TRAPPC8: variants seen among roughly 807,000 people sequenced by gnomAD.
The protein encoded by TRAPPC8 is general sporulation gene 1 homolog.
Under a neutral mutation model 174.3 loss-of-function variants are expected in TRAPPC8, and 54 were observed. That is an observed-to-expected ratio of 0.31 (90% CI 0.25 to 0.39). The LOEUF (loss-of-function observed/expected upper bound fraction) is 0.39, where lower values mean the gene tolerates loss of function less well. TRAPPC8 is among the 10% of genes least tolerant of loss of function. TRAPPC8 has a pLI of 1.00. For synonymous variants in TRAPPC8, 630 were observed against 579.9 expected (o/e 1.09, Z -1.24); for missense variants, 1,531 against 1,699.1 (o/e 0.90, Z 1.74).
intron 21 of TRAPPC8, among the ~76,000 whole-genome samples, chr18:31,854,588 A>G (rs1450847033): frequency 6.6e-6 from 1 of 152,208 alleles, no homozygotes; most frequent in African/African-American, 2.4e-5. Context: ...AGAATTAAGT[A>G]ACATTTCAAA....
intron 4 of TRAPPC8, among the ~76,000 whole-genome samples, chr18:31,914,148 A>G (rs1479204064): frequency 2.2e-4 from 33 of 151,052 alleles, no homozygotes; most frequent in Non-Finnish European, 3.7e-4. Flanking sequence ...AAAAAAAAAA[A>G]AGGAGGAAAA....
At chr18:31,902,674 A>C (rs2036484709) in intron 9 of TRAPPC8, among the ~76,000 whole-genome samples, 1 of 152,178 alleles carries the variant, frequency 6.6e-6, no homozygotes, top group Non-Finnish European at 1.5e-5. Flanking sequence ...TTAGGTTGCC[A>C]CTGGAGATGG....
intron 8 of TRAPPC8, 130 bp downstream of exon 8, chr18:31,908,173 T>C (rs1312585808): frequency 4.0e-6 from 2 of 493,984 alleles, no homozygotes; most frequent in South Asian, 6.3e-5. Context: ...TCACTCTTCT[T>C]ATCCACCTGA....
chr18:31,852,716 AAAACC>A lies in TRAPPC8; in HGVS notation c.3434-58_3434-54del, dbSNP rs772922120. On this transcript the variant is annotated intron_variant, in intron 22 of 28. Transcript: ENST00000283351. ...ATGTTTCTCAGTTCATCACATGATAAAAACCAATTCATTATTTAGACTTCCTTGGT... is the reference window on the plus strand; with the variant it reads ...ATGTTTCTCAGTTCATCACATGATAAAATTCATTATTTAGACTTCCTTGGT... The A allele has an allele frequency of 3.6e-5, 51 of 1,412,940 alleles. No individual in the cohort carries two copies. The East Asian group carries it at 4.3e-4, about 12-fold the overall frequency. The allele number at this position is 1,412,940 out of a possible 1,614,324, so 87.5% of individuals were successfully genotyped here. A position where few individuals can be genotyped will look rare whatever the true frequency, so the allele number is the denominator to read the frequency against.
intron 1 of TRAPPC8, among the ~76,000 whole-genome samples, chr18:31,931,933 T>C (rs2037863993): frequency 6.6e-6 from 1 of 152,168 alleles, no homozygotes; most frequent in Admixed American, 6.5e-5. Flanking sequence ...AATGTTGCAC[T>C]TGGGCTTCCT....
chr18:31,866,095 T>A (rs1415371847), intron 18 of TRAPPC8, among the ~76,000 whole-genome samples: 1 of 152,102 alleles, frequency 6.6e-6, no homozygotes, highest in Non-Finnish European at 1.5e-5. Context: ...TCAGCTTTTG[T>A]AAATGCTAAA....
intron 12 of TRAPPC8, among the ~76,000 whole-genome samples, chr18:31,880,090 A>AAAAAAATATAT (rs1259899654): frequency 1.2e-5 from 1 of 85,346 alleles, no homozygotes; most frequent in African/African-American, 5.2e-5. Flanking sequence ...TGAAAAAAAA[A>AAAAAAATATAT]ATATATATAT....
At chr18:31,863,787 A>G (rs563030182) in intron 19 of TRAPPC8, among the ~76,000 whole-genome samples, 12 of 152,126 alleles carry the variant, frequency 7.9e-5, no homozygotes, top group Non-Finnish European at 1.3e-4. Flanking sequence ...CTCCTCAGGT[A>G]TAAGCCTGAT....
chr18:31,927,579 A>T (rs575307406), intron 2 of TRAPPC8, among the ~76,000 whole-genome samples: 3 of 151,630 alleles, frequency 2.0e-5, no homozygotes, highest in Admixed American at 6.6e-5. Context: ...TTTTTAAAAA[A>T]TTTTCTTCAG....
intron 19 of TRAPPC8, 152 bp downstream of exon 19, chr18:31,864,475 T>C (rs574547898): frequency 3.1e-4 from 204 of 662,750 alleles, no homozygotes; most frequent in Middle Eastern, 4.4e-4. Flanking sequence ...TTGCCTTACA[T>C]TGTGAATTAA....
chr18:31,864,294 T>G (rs1387091103), intron 19 of TRAPPC8, among the ~76,000 whole-genome samples: 1 of 151,856 alleles, frequency 6.6e-6, no homozygotes, highest in East Asian at 1.9e-4. Flanking sequence ...CTACATTGCT[T>G]AAGTTTTTTT....
intron 1 of TRAPPC8, among the ~76,000 whole-genome samples, chr18:31,937,826 C>A (rs933550733): frequency 6.6e-6 from 1 of 152,034 alleles, no homozygotes; most frequent in Admixed American, 6.6e-5. Flanking sequence ...GCCTCAGCCT[C>A]CCGAGCAGCT....
In TRAPPC8 at chr18:31,870,899, A is replaced by C. The variant is rs769917736; in HGVS notation, c.2257+27T>G. On this transcript the variant is annotated intron_variant, in intron 15 of 28. Coordinates refer to ENST00000283351, the MANE Select transcript of TRAPPC8 (RefSeq NM_014939.5). The stretch of plus-strand genomic sequence containing the variant: ...ATGCTGTAAGTAAAACAAATAAAAA[A>C]CAGAAATAAAAATTCAAGTATATCA... 7.5e-6 allele frequency: 11 copies of C among 1,473,062 alleles called. No individual in the cohort carries two copies. The Admixed American group carries it at 1.9e-4, about 25-fold the overall frequency. 91.2% of individuals were successfully genotyped at this position (1,473,062 alleles called of 1,614,324 possible).
intron 12 of TRAPPC8, among the ~76,000 whole-genome samples, chr18:31,881,684 G>C (rs1173945852): frequency 6.6e-6 from 1 of 151,992 alleles, no homozygotes; most frequent in East Asian, 1.9e-4. Context: ...CACAGCAAAA[G>C]AAACTATTAG....
chr18:31,835,874 T>C (rs555066881), intron 27 of TRAPPC8, among the ~76,000 whole-genome samples: 1 of 152,216 alleles, frequency 6.6e-6, no homozygotes, highest in Non-Finnish European at 1.5e-5. Context: ...TCCGGAGACA[T>C]GCCACCAGAA....
In TRAPPC8 at chr18:31,871,082, C is replaced by T; in HGVS notation, c.2101G>A (p.Glu701Lys). 3 of 1,597,098 alleles carry T rather than the reference C, an allele frequency of 1.9e-6. No homozygotes were observed. Among genetic ancestry groups the T allele is most frequent in the Non-Finnish European group, 2.6e-6 (3 of 1,169,704 alleles). Residue 701 changes from glutamate (E) to lysine (K), a missense_variant, in exon 15 of 29, where the codon GAA becomes AAA. Transcript: ENST00000283351. ...TGCTGAGAGGATTCAGAATCATATT[C>T]TTGATCAAGACTTACATGAGTAGCT... ...QAATHVSLDQ[E>K]YDSESSQQWR... is the part of the protein sequence containing the mutation.
intron 1 of TRAPPC8, among the ~76,000 whole-genome samples, chr18:31,938,709 A>T (rs1026019759): frequency 6.6e-6 from 1 of 152,174 alleles, no homozygotes; most frequent in South Asian, 2.1e-4. Context: ...TCTCCCTCTA[A>T]GGAAATGTTA....
chr18:31,924,775 A>C (rs193280079), intron 2 of TRAPPC8, among the ~76,000 whole-genome samples: 196 of 149,450 alleles, frequency 1.3e-3, no homozygotes, highest in African/African-American at 4.5e-3. Context: ...CCGCCTGAAG[A>C]GTTAAGCTAT....
chr18:31,849,361 G>A (rs773048403), intron 25 of TRAPPC8, among the ~76,000 whole-genome samples: 3 of 151,566 alleles, frequency 2.0e-5, no homozygotes, highest in Non-Finnish European at 4.4e-5. Flanking sequence ...GTAACACACA[G>A]AAATAACAGT....
Sources: gnomAD v4.1 joint callset for allele counts (sites outside exome capture counted in the v4.1 genomes callset) on GRCh38, gnomAD v4.1.1 for gene constraint, MANE v1.5 for transcripts, NCBI Gene and HGNC (gene_info 2026-07-23, HGNC 2026-07-21) for gene names.